GLI2: variants seen among roughly 807,000 people sequenced by gnomAD.
GLI2 encodes the protein transcription activator GLI2.
A neutral mutation model predicts 78.9 loss-of-function variants in GLI2; 22 were observed. The ratio of observed to expected loss-of-function variants is 0.28; its 90% CI spans 0.20 to 0.40. The LOEUF is 0.40. Ranked by LOEUF, GLI2 falls within the 10% of genes least tolerant of loss-of-function variation. The probability of loss-of-function intolerance (pLI) is 1.00; values close to 1 mark genes in which losing one functional copy is unlikely to be tolerated. For missense variants in GLI2, 2,097 were observed against 2,213.2 expected, an observed-to-expected ratio of 0.95 and a Z score of 1.05; for synonymous variants, 974 against 963.7, an observed-to-expected ratio of 1.01 and a Z score of -0.20.
rs577782830 is a variant in GLI2, at chr2:120,964,577, G to A, written c.644-4137G>A. ...GTAAGTGGGCTCCATTGTGGTGGAG[G>A]GGAGGAGGGAAGGCCGACTCCCGGG... On this transcript the variant is annotated intron_variant, in intron 5 of 13. Coordinates refer to ENST00000361492, the MANE Select transcript of GLI2 (RefSeq NM_001374353.1). 3.2e-3 allele frequency among the ~76,000 whole-genome samples: 486 copies of A among 152,320 alleles called. 2 individuals are homozygous for A. Among genetic ancestry groups the A allele is most frequent in the African/African-American group, 0.011 (459 of 41,580 alleles).
intron 9 of GLI2, among the ~76,000 whole-genome samples, chr2:120,977,981 T>C (rs953333517): frequency 1.9e-4 from 29 of 152,344 alleles, no homozygotes; most frequent in African/African-American, 6.7e-4. Context: ...TAGGAGAGGC[T>C]TCTCATGCAC....
intron 2 of GLI2, among the ~76,000 whole-genome samples, chr2:120,818,960 C>T (rs185466339): frequency 3.0e-4 from 38 of 125,938 alleles, no homozygotes; most frequent in Non-Finnish European, 5.5e-4. Context: ...TTCTAGGTTA[C>T]GTGCTGGGAA....
intron 9 of GLI2, 127 bp downstream of exon 9, chr2:120,975,236 C>T (rs1682399708): frequency 1.2e-6 from 1 of 837,640 alleles, no homozygotes. Flanking sequence ...ATGCCTGGGC[C>T]ACATCCCCTG....
chr2:120,873,887 A>G (rs1442298207), intron 2 of GLI2, among the ~76,000 whole-genome samples: 1 of 152,106 alleles, frequency 6.6e-6, no homozygotes, highest in African/African-American at 2.4e-5. Flanking sequence ...CCTTCTCACA[A>G]TCATCTTTGT....
chr2:120,913,657 G>A (rs1573589527), intron 2 of GLI2, among the ~76,000 whole-genome samples: 2 of 152,288 alleles, frequency 1.3e-5, no homozygotes, highest in Admixed American at 1.3e-4. Flanking sequence ...TGGCCCTTAC[G>A]GGACCTGCTT....
rs1392335003 is a variant in GLI2, at chr2:120,781,975, TAC to T, written c.-30-15314_-30-15313del. On this transcript the variant is annotated intron_variant, in intron 1 of 13. Transcript: ENST00000361492. ...TTTTTCTTATATACTGTCTCCCTTGTACAGATAGTTCATTTTCCTAGTTGCAG... is the reference window on the plus strand; with the variant it reads ...TTTTTCTTATATACTGTCTCCCTTGTAGATAGTTCATTTTCCTAGTTGCAG... 3.9e-5 allele frequency among the ~76,000 whole-genome samples: 6 copies of T among 152,230 alleles called. No homozygotes were observed. In the East Asian group the frequency reaches 9.6e-4, roughly 24 times the overall value.
intron 3 of GLI2, among the ~76,000 whole-genome samples, chr2:120,930,541 A>G (rs1048161220): frequency 2.6e-5 from 4 of 152,096 alleles, no homozygotes; most frequent in African/African-American, 9.7e-5. Flanking sequence ...GCCCTTCTTG[A>G]CAGCACCTCG....
At chr2:120,780,766 T>G (rs1179546254) in intron 1 of GLI2, among the ~76,000 whole-genome samples, 2 of 152,234 alleles carry the variant, frequency 1.3e-5, no homozygotes, top group Admixed American at 6.5e-5. Context: ...ACTCTGGAGC[T>G]TGCCAGTCTG....
intron 5 of GLI2, 50 bp from the exon 6 acceptor site, chr2:120,968,664 C>T: frequency 7.5e-7 from 1 of 1,332,452 alleles, no homozygotes; most frequent in Non-Finnish European, 1.1e-6. Flanking sequence ...ATGTCACCCC[C>T]TCCCCCATCC....
intron 1 of GLI2, among the ~76,000 whole-genome samples, chr2:120,793,187 G>A (rs1684229636): frequency 1.3e-5 from 2 of 152,214 alleles, no homozygotes; most frequent in East Asian, 1.9e-4. Flanking sequence ...GGGCTTCTCC[G>A]GGCCCTGGGT....
At chr2:120,763,657 C>G (rs948499346) in intron 1 of GLI2, among the ~76,000 whole-genome samples, 1 of 152,232 alleles carries the variant, frequency 6.6e-6, no homozygotes, top group Non-Finnish European at 1.5e-5. Context: ...GAGGGGCCTG[C>G]CTTCTACTCA....
chr2:120,986,589 C>T lies in GLI2; in HGVS notation c.2217C>T (p.Thr739=). ...WAGPTPHTRN[T]KLPPLPGSGS... ...GGCCGACTCCACACACGCGGAACAC[C>T]AAGCTGCCTCCCCTCCCGGGAAGTG... Residue 739 remains threonine (T), a synonymous_variant, in exon 13 of 14, where the codon ACC becomes ACT. Coordinates refer to ENST00000361492, the MANE Select transcript of GLI2 (RefSeq NM_001374353.1). 5.0e-6 allele frequency: 8 copies of T among 1,614,084 alleles called. No homozygotes were observed. The highest frequency in any genetic ancestry group is 6.8e-6 in the Non-Finnish European group (8 of 1,179,990).
At chr2:120,895,709 CAAG>C (rs1456333242) in intron 2 of GLI2, among the ~76,000 whole-genome samples, 1 of 152,082 alleles carries the variant, frequency 6.6e-6, no homozygotes, top group Non-Finnish European at 1.5e-5. Flanking sequence ...TCACAAAAAA[CAAG>C]AACAGAAACA....
At chr2:120,753,662 G>T (rs894015846) in intron 1 of GLI2, among the ~76,000 whole-genome samples, 3 of 151,976 alleles carry the variant, frequency 2.0e-5, no homozygotes, top group African/African-American at 7.2e-5. Flanking sequence ...ACTTTGGAAG[G>T]CCGAGGCGGG....
At chr2:120,749,939 G>T (rs1164256677) in intron 1 of GLI2, among the ~76,000 whole-genome samples, 2 of 152,234 alleles carry the variant, frequency 1.3e-5, no homozygotes, top group Admixed American at 1.3e-4. Context: ...TTTTACAGAT[G>T]CCACTGAGAC....
intron 10 of GLI2, among the ~76,000 whole-genome samples, chr2:120,980,478 C>T (rs1398616196): frequency 6.6e-6 from 1 of 152,168 alleles, no homozygotes; most frequent in Non-Finnish European, 1.5e-5. Context: ...ATTTTGAAAC[C>T]TGGTTGTCTT....
At chr2:120,876,796 C>T (rs1374547122) in intron 2 of GLI2, among the ~76,000 whole-genome samples, 2 of 152,076 alleles carry the variant, frequency 1.3e-5, no homozygotes, top group Admixed American at 6.5e-5. Flanking sequence ...ACGTGGGGTC[C>T]GAGGCAGGTG....
At chr2:120,772,908 C>G (rs1477504341) in intron 1 of GLI2, among the ~76,000 whole-genome samples, 1 of 152,166 alleles carries the variant, frequency 6.6e-6, no homozygotes, top group Non-Finnish European at 1.5e-5. Context: ...CTTGGGTACC[C>G]CGCAAGGTCT....
chr2:120,796,795 G>A (rs1225447362), intron 1 of GLI2, among the ~76,000 whole-genome samples: 2 of 152,248 alleles, frequency 1.3e-5, no homozygotes, highest in Non-Finnish European at 2.9e-5. Context: ...GTGCGTGTGA[G>A]TCAATAAAGG....
Sources: allele counts gnomAD v4.1 joint callset (sites outside exome capture counted in the v4.1 genomes callset), GRCh38; gene constraint gnomAD v4.1.1; transcripts MANE v1.5; gene names NCBI Gene and HGNC (gene_info 2026-07-23, HGNC 2026-07-21).